The following ERBIN variants were observed in gnomAD, a reference collection of about 807,000 sequenced individuals.
The protein encoded by ERBIN is erbb2 interacting protein.
Under a neutral mutation model 158.4 loss-of-function variants are expected in ERBIN, and 60 were observed. That is an observed-to-expected ratio of 0.38 (90% CI 0.31 to 0.47). The LOEUF is 0.47. Ranked by LOEUF, ERBIN falls within the 20% of genes least tolerant of loss-of-function variation. ERBIN has a pLI of 0.99. For synonymous variants in ERBIN, 594 were observed against 557.2 expected, an observed-to-expected ratio of 1.07 and a Z score of -0.93; for missense variants, 1,610 against 1,648.0, an observed-to-expected ratio of 0.98 and a Z score of 0.40.
intron 7 of ERBIN, among the ~76,000 whole-genome samples, chr5:66,015,942 T>TA (rs1754667093): frequency 6.6e-6 from 1 of 152,248 alleles, no homozygotes; most frequent in Non-Finnish European, 1.5e-5. Context: ...TTATATCTGT[T>TA]ACAGTATTTG....
In ERBIN at chr5:66,018,519, A is replaced by ATATT; in HGVS notation, c.534-2803_534-2802insTATT. ...ATATAATATATATTATATATTATAT[A>ATATT]ATATATATTATATTATATAATATAT... On this transcript the variant is annotated intron_variant, in intron 7 of 25. Coordinates refer to ENST00000284037, the MANE Select transcript of ERBIN (RefSeq NM_001253697.2). 3.9e-4 allele frequency among the ~76,000 whole-genome samples: 4 copies of ATATT among 10,132 alleles called. 1 individual carries two copies. The highest frequency in any genetic ancestry group is 4.5e-3 in the South Asian group (2 of 442). 6.6% of individuals were successfully genotyped at this position (10,132 alleles called of 152,430 possible).
chr5:65,969,783 T>G (rs952949932), intron 1 of ERBIN, among the ~76,000 whole-genome samples: 3 of 152,180 alleles, frequency 2.0e-5, no homozygotes, highest in Middle Eastern at 6.3e-3. Flanking sequence ...AAACCACATA[T>G]AAACATAGCT....
chr5:66,016,705 C>A (rs1014029437), intron 7 of ERBIN, among the ~76,000 whole-genome samples: 2 of 151,934 alleles, frequency 1.3e-5, no homozygotes, highest in African/African-American at 4.8e-5. Context: ...CCTCCGCCCC[C>A]CAAGTTAAGG....
chr5:66,073,930 G>A (rs1216555460), intron 22 of ERBIN, among the ~76,000 whole-genome samples: 1 of 151,964 alleles, frequency 6.6e-6, no homozygotes, highest in Non-Finnish European at 1.5e-5. Context: ...CCAGGCTAGG[G>A]TGCAGTGGCA....
In ERBIN at chr5:66,053,831, C is replaced by T. The variant is rs550239190; in HGVS notation, c.2513C>T (p.Pro838Leu). The change falls in exon 21 of 26, where the codon CCA (proline) becomes CTA (leucine). Residue 838 changes from proline to leucine, a missense_variant. Around this residue, in one of 2 missense-constraint regions of ERBIN, gnomAD observed 1,014 missense variants for 936.1 expected, o/e 1.08. Coordinates refer to ENST00000284037, the MANE Select transcript of ERBIN (RefSeq NM_001253697.2). ...ETSQSPNRTE[P>L]HDSDCSVDLG... ...TCCCAGTCTCCTAATAGGACTGAAC[C>T]ACATGACAGTGATTGTTCTGTTGAC... The T allele has an allele frequency of 2.5e-6, 4 of 1,614,028 alleles. No homozygotes were observed. The African/African-American group carries it at 4.0e-5, about 16-fold the overall frequency.
intron 14 of ERBIN, among the ~76,000 whole-genome samples, chr5:66,033,640 A>G (rs1757110975): frequency 6.6e-6 from 1 of 152,224 alleles, no homozygotes; most frequent in East Asian, 1.9e-4. Context: ...TTAAGGAATA[A>G]ATAGATGATG....
chr5:66,020,546 G>A (rs1026099852), intron 7 of ERBIN, among the ~76,000 whole-genome samples: 1 of 151,910 alleles, frequency 6.6e-6, no homozygotes, highest in African/African-American at 2.4e-5. Context: ...ACATCTCAAT[G>A]TATTAAATAA....
chr5:66,054,127 A>T lies in ERBIN; in HGVS notation c.2809A>T (p.Ile937Leu). 1 of 1,614,194 alleles carries T rather than the reference A, an allele frequency of 6.2e-7. No homozygotes were observed. The highest frequency in any genetic ancestry group is 1.7e-5 in the Admixed American group (1 of 60,020). Residue 937 changes from isoleucine to leucine, a missense_variant, in exon 21 of 26, where the codon ATA (isoleucine) becomes TTA (leucine). Physicochemically the swap from Ile to Leu is conservative, Grantham distance 5 (BLOSUM62 2). This residue lies in a region of ERBIN where 1,014 missense variants were observed against 936.1 expected (regional missense o/e 1.08). Transcript: ENST00000284037. ...TGGTTCTTCCTCATCTTCTGATTTA[A>T]TATCAGGAACAAAGGCAATTTTCAA... ...FTGSSSSSDL[I>L]SGTKAIFKFD...
intron 4 of ERBIN, among the ~76,000 whole-genome samples, chr5:66,000,084 C>T (rs1215435515): frequency 6.6e-6 from 1 of 152,212 alleles, no homozygotes; most frequent in Non-Finnish European, 1.5e-5. Flanking sequence ...AAAGGAGTAT[C>T]TTTCTGATCT....
At chr5:66,072,946 A>G (rs1046790891) in intron 22 of ERBIN, among the ~76,000 whole-genome samples, 1 of 152,220 alleles carries the variant, frequency 6.6e-6, no homozygotes, top group African/African-American at 2.4e-5. Context: ...TGGTCATCTA[A>G]TATATAAGTT....
At chr5:66,034,487 A>G (rs548467387) in intron 14 of ERBIN, among the ~76,000 whole-genome samples, 4 of 152,018 alleles carry the variant, frequency 2.6e-5, no homozygotes, top group South Asian at 2.1e-4. Flanking sequence ...GAGTTTCACC[A>G]TGTTGGCCAG....
chr5:66,007,319 C>T (rs1360027148), intron 4 of ERBIN, among the ~76,000 whole-genome samples: 1 of 151,996 alleles, frequency 6.6e-6, no homozygotes, highest in Non-Finnish European at 1.5e-5. Flanking sequence ...TGTTCTCACT[C>T]ATAGGTGGGA....
At chr5:65,929,598 C>T (rs972894654) in intron 1 of ERBIN, among the ~76,000 whole-genome samples, 1 of 149,090 alleles carries the variant, frequency 6.7e-6, no homozygotes, top group African/African-American at 2.5e-5. Context: ...GGGAATACAT[C>T]TCTATTATAA....
chr5:65,928,010 T>C lies in ERBIN; in HGVS notation c.-58+1204T>C, dbSNP rs77479671. Reference sequence around the variant, plus strand: ...CCTGTTGGTAGGTATATCCTAAATATATATTGATGTTTAGATTGCCTATGC... The same window carrying C: ...CCTGTTGGTAGGTATATCCTAAATACATATTGATGTTTAGATTGCCTATGC... On this transcript the variant is annotated intron_variant, in intron 1 of 25. Coordinates refer to ENST00000284037, the MANE Select transcript of ERBIN (RefSeq NM_001253697.2). Among the ~76,000 whole-genome samples, 335 of 152,290 alleles carry C rather than the reference T, an allele frequency of 2.2e-3. 2 individuals are homozygous for C. The South Asian group carries it at 0.039, about 18-fold the overall frequency.
Position 66,078,657 on chromosome 5 carries a change from T to C in ERBIN, c.*127T>C. 1 of 654,232 alleles carries C rather than the reference T, an allele frequency of 1.5e-6. No individual in the cohort carries two copies. The highest frequency in any genetic ancestry group is 2.8e-5 in the East Asian group (1 of 35,640). The allele number at this position is 654,232 out of a possible 1,614,324, so 40.5% of individuals were successfully genotyped here. On this transcript the variant is annotated 3_prime_UTR_variant, in exon 26 of 26. Coordinates refer to ENST00000284037, the MANE Select transcript of ERBIN (RefSeq NM_001253697.2). ...AAAAAATTATGTTCAAATTTGTACA[T>C]TAATGAAATAATGGAACTTGTGGTT... is the stretch of plus-strand genomic sequence containing the variant.
intron 17 of ERBIN, among the ~76,000 whole-genome samples, chr5:66,045,739 A>AT (rs1758376041): frequency 6.6e-6 from 1 of 152,234 alleles, no homozygotes; most frequent in Non-Finnish European, 1.5e-5. Flanking sequence ...TATTGTCAGC[A>AT]TAGCCTTTAA....
At chr5:66,014,793 T>C in intron 7 of ERBIN, 68 bp downstream of exon 7, 1 of 738,022 alleles carries the variant, frequency 1.4e-6, no homozygotes, top group Non-Finnish European at 2.1e-6. Flanking sequence ...TTTAAAAATG[T>C]AAATTTTTAT....
At chr5:65,958,667 G>A (rs1747566071) in intron 1 of ERBIN, among the ~76,000 whole-genome samples, 1 of 151,672 alleles carries the variant, frequency 6.6e-6, no homozygotes, top group Non-Finnish European at 1.5e-5. Context: ...TGAGGGAGGG[G>A]GAGGGGGAGG....
chr5:65,992,879 A>T lies in ERBIN; in HGVS notation c.161A>T (p.Asp54Val). The T allele has an allele frequency of 6.2e-7, 1 of 1,607,266 alleles. No homozygotes were observed. The highest frequency in any genetic ancestry group is 8.5e-7 in the Non-Finnish European group (1 of 1,178,018). The change falls in exon 3 of 26, where the codon GAT becomes GTT. Residue 54 changes from aspartate (D) to valine (V), a missense_variant. This residue lies in a region of ERBIN where 596 missense variants were observed against 711.9 expected (regional missense o/e 0.84). Coordinates refer to ENST00000284037, the MANE Select transcript of ERBIN (RefSeq NM_001253697.2). ...FEKTLEELYL[D>V]ANQIEELPKQ... ...AAAACCTTGGAGGAACTCTATTTAG[A>T]TGCTAATCAGATTGAAGAGCTTCCA... is the stretch of plus-strand genomic sequence containing the variant.
Sources: gnomAD v4.1 joint callset for allele counts (sites outside exome capture counted in the v4.1 genomes callset) on GRCh38, gnomAD v4.1.1 for gene constraint, gnomAD v4.1.1 regional missense constraint, MANE v1.5 for transcripts, NCBI Gene and HGNC (gene_info 2026-07-23, HGNC 2026-07-21) for gene names.